S100A5: variants seen among roughly 807,000 people sequenced by gnomAD.
S100A5 encodes S100 calcium binding protein A5, also known as protein S100-A5.
In S100A5, 5 loss-of-function variants were observed where a neutral mutation model predicts 6.7. That is an observed-to-expected ratio of 0.75 (90% confidence interval 0.39 to 1.57). S100A5 has a LOEUF of 1.57. S100A5 is among the 40% of genes most tolerant of loss of function. The pLI, the probability that S100A5 is intolerant of heterozygous loss-of-function variation, is 0.03. For missense variants in S100A5, 129 were observed against 110.8 expected (o/e 1.16, Z -0.74); for synonymous variants, 49 against 44.9 (o/e 1.09, Z -0.37).
intron 1 of S100A5, 90 bp from the exon 2 acceptor site, chr1:153,540,295 G>A: frequency 7.3e-7 from 1 of 1,377,184 alleles, no homozygotes; most frequent in South Asian, 1.3e-5. Context: ...CAAAGAACAA[G>A]AGACTGGAAC....
In S100A5 at chr1:153,540,632, G is replaced by C. The variant is rs1327860767; in HGVS notation, c.-26C>G. On this transcript the variant is annotated 5_prime_UTR_variant, in exon 1 of 3. Transcript: ENST00000368717. ...AGTGCCTGAATCACCTGATATCGAG[G>C]AGTGTCCCATTATTAAAGTCGGGGA... The C allele has an allele frequency of 1.2e-5, 2 of 172,784 alleles. No individual in the cohort carries two copies. Among genetic ancestry groups the C allele is most frequent in the East Asian group, 3.2e-4 (2 of 6,336 alleles). 10.7% of individuals were successfully genotyped at this position (172,784 alleles called of 1,614,324 possible).
At chr1:153,541,329 T>G (rs1665380111), upstream of S100A5, 1 of 1,318,298 alleles carries the variant, frequency 7.6e-7, no homozygotes, top group Non-Finnish European at 1.0e-6. Context: ...ACCCTCATCA[T>G]CCAGCGTGAC....
chr1:153,539,363 G>C (rs1665292775), intron 2 of S100A5, among the ~76,000 whole-genome samples: 2 of 141,662 alleles, frequency 1.4e-5, no homozygotes, highest in South Asian at 4.5e-4. Context: ...AGAGGCGGAG[G>C]TTGCAGTGAG....
At chr1:153,539,450 A>AAAAAAAATAT (rs1553214691) in intron 2 of S100A5, among the ~76,000 whole-genome samples, 1 of 31,194 alleles carries the variant, frequency 3.2e-5, no homozygotes, top group African/African-American at 1.1e-4. Flanking sequence ...AAAAAAAAAA[A>AAAAAAAATAT]ATATATATAT....
At chr1:153,539,387 A>T (rs1291351270) in intron 2 of S100A5, among the ~76,000 whole-genome samples, 2 of 129,678 alleles carry the variant, frequency 1.5e-5, no homozygotes, top group East Asian at 4.9e-4. Context: ...AGATCATGTC[A>T]CTGCATTCCA....
upstream of S100A5, chr1:153,541,933 G>A (rs1473495908): frequency 1.0e-6 from 1 of 978,356 alleles, no homozygotes; most frequent in East Asian, 1.1e-4. Flanking sequence ...AGCTAATATG[G>A]GCCCAGAGGT....
chr1:153,543,332 G>A, upstream of S100A5: 1 of 978,612 alleles, frequency 1.0e-6, no homozygotes, highest in African/African-American at 1.7e-5. Context: ...CAGAGGCAAG[G>A]TTGGAGAGAG....
chr1:153,543,505 AC>A, upstream of S100A5: 1 of 467,870 alleles, frequency 2.1e-6, no homozygotes, highest in Non-Finnish European at 3.8e-6. Flanking sequence ...CCCTAACTTC[AC>A]TGGTCTGCTG....
upstream of S100A5, chr1:153,541,820 T>A: frequency 9.6e-7 from 1 of 1,038,180 alleles, no homozygotes; most frequent in African/African-American, 1.7e-5. Flanking sequence ...ATCGGGCCCC[T>A]CCCACCCATC....
chr1:153,541,947 T>G, upstream of S100A5: 1 of 956,704 alleles, frequency 1.0e-6, no homozygotes, highest in Non-Finnish European at 1.2e-6. Context: ...CAGAGGTTTT[T>G]AAAGGGCTTT....
chr1:153,540,293 A>G (rs1665344296), intron 1 of S100A5, 88 bp from the exon 2 acceptor site: 13 of 1,371,088 alleles, frequency 9.5e-6, no homozygotes, highest in Non-Finnish European at 1.3e-5. Context: ...CTCAAAGAAC[A>G]AGAGACTGGA....
In S100A5 at chr1:153,537,289, G is replaced by A; in HGVS notation, c.*7C>T. 1 of 1,612,292 alleles carries A rather than the reference G, an allele frequency of 6.2e-7. No homozygotes were observed. Among genetic ancestry groups the A allele is most frequent in the Non-Finnish European group, 8.5e-7 (1 of 1,178,552 alleles). On this transcript the variant is annotated 3_prime_UTR_variant, in exon 3 of 3. Transcript: ENST00000368717. ...GGGTGGAGGGTGAGGGTGGAGGGCAGCCCTGGTCACTTGTTGTCCTCTAGA... is the reference window on the plus strand; with the variant it reads ...GGGTGGAGGGTGAGGGTGGAGGGCAACCCTGGTCACTTGTTGTCCTCTAGA...
At chr1:153,543,684 T>C, upstream of S100A5, 4 of 1,404,230 alleles carry the variant, frequency 2.8e-6, no homozygotes, top group Non-Finnish European at 3.9e-6. Flanking sequence ...GGAGCCAGGG[T>C]GGAAAAAAAA....
At chr1:153,538,733 A>T (rs1473444081) in intron 2 of S100A5, among the ~76,000 whole-genome samples, 1 of 152,224 alleles carries the variant, frequency 6.6e-6, no homozygotes, top group Non-Finnish European at 1.5e-5. Flanking sequence ...AACAGGGAGG[A>T]TGATTCACAG....
chr1:153,541,436 C>T, upstream of S100A5: 4 of 1,367,880 alleles, frequency 2.9e-6, no homozygotes, highest in South Asian at 1.1e-5. Context: ...GCCTCCCTCT[C>T]ACTGCCTTCT....
rs914582371 is a variant in S100A5 at position 153,540,058 on chromosome 1, C to G, written c.134G>C (p.Gly45Ala). Residue 45 changes from glycine to alanine, a missense_variant, in exon 2 of 3, where the codon GGG becomes GCG. Coordinates refer to ENST00000368717, the MANE Select transcript of S100A5 (RefSeq NM_001394232.1). ...KELIKKELCLGEMKESSIDDL... is the reference protein window; with the variant it reads ...KELIKKELCLAEMKESSIDDL... ...GATGAGGGAACAATCACCTACCTCC[C>G]CAAGACACAGCTCTTTCTTGATCAG... 2 of 1,613,952 alleles carry G rather than the reference C, an allele frequency of 1.2e-6. No homozygotes were observed. Among genetic ancestry groups the G allele is most frequent in the African/African-American group, 1.3e-5 (1 of 74,904 alleles).
At chr1:153,539,277 A>C (rs1665288731) in intron 2 of S100A5, among the ~76,000 whole-genome samples, 1 of 151,074 alleles carries the variant, frequency 6.6e-6, no homozygotes. Flanking sequence ...AAATACAAAA[A>C]TTAGCTGGGC....
upstream of S100A5, chr1:153,541,559 G>A: frequency 7.9e-7 from 1 of 1,262,020 alleles, no homozygotes; most frequent in South Asian, 1.3e-5. Context: ...ATGGAGCTGG[G>A]GAGAAACCCC....
intron 2 of S100A5, 45 bp from the exon 3 acceptor site, chr1:153,537,481 GC>G (rs1426144098): frequency 6.2e-7 from 1 of 1,607,860 alleles, no homozygotes; most frequent in African/African-American, 1.3e-5. Flanking sequence ...CCCGCTCCCA[GC>G]CCTGCCCTCG....
Sources: allele counts gnomAD v4.1 joint callset (sites outside exome capture counted in the v4.1 genomes callset), GRCh38; gene constraint gnomAD v4.1.1; transcripts MANE v1.5; gene names NCBI Gene and HGNC (gene_info 2026-07-23, HGNC 2026-07-21).